Variants in IRS1 observed in about 807,000 individuals in gnomAD.
IRS1 encodes the protein insulin receptor substrate 1.
A neutral mutation model predicts 65.6 loss-of-function variants in IRS1; 34 were observed. That is an observed-to-expected ratio of 0.52 (90% CI 0.39 to 0.69). The LOEUF (loss-of-function observed/expected upper bound fraction) is 0.69, where lower values mean the gene tolerates loss of function less well. Among genes scored for constraint, IRS1 ranks in the 30% least tolerant of loss-of-function variants. The pLI is 0.00. For missense variants in IRS1, 1,641 were observed against 1,720.2 expected, an observed-to-expected ratio of 0.95 and a Z score of 0.81; for synonymous variants, 699 against 683.5, an observed-to-expected ratio of 1.02 and a Z score of -0.35.
At chr2:226,789,896 C>T (rs538771199) in intron 1 of IRS1, among the ~76,000 whole-genome samples, 118 of 152,226 alleles carry the variant, frequency 7.8e-4, no homozygotes, top group African/African-American at 2.7e-3. Context: ...CGAAAATGCC[C>T]CCTTGAAGCA....
chr2:226,798,526 G>A lies in IRS1; in HGVS notation c.213C>T (p.Asn71=), dbSNP rs1301036513. The A allele has an allele frequency of 6.2e-7, 1 of 1,614,018 alleles. No homozygotes were observed. Among genetic ancestry groups the A allele is most frequent in the African/African-American group, 1.3e-5 (1 of 74,940 alleles). The change falls in exon 1 of 2, where the codon AAC becomes AAT. Residue 71 remains asparagine, a synonymous_variant. Transcript: ENST00000305123. The surrounding 1 kb of genome is among the most constrained non-coding windows in gnomAD (Gnocchi z 9.4). ...TCTTGGAGTCAGCCCGCTTGTTGATGTTGAAGCAGCTCTCAAGGGGGATCG... is the reference window on the plus strand; with the variant it reads ...TCTTGGAGTCAGCCCGCTTGTTGATATTGAAGCAGCTCTCAAGGGGGATCG... ...KRSIPLESCF[N]INKRADSKNK...
rs2106154469 is a variant in IRS1 at position 226,732,440 on chromosome 2, C to T, written c.*3832G>A. 1 of 149,996 alleles carries T rather than the reference C, an allele frequency of 6.7e-6. No homozygotes were observed. The highest frequency in any genetic ancestry group is 2.0e-4 in the East Asian group (1 of 5,124). The allele number at this position is 149,996 out of a possible 1,614,324, so 9.3% of individuals were successfully genotyped here. On this transcript the variant is annotated 3_prime_UTR_variant, in exon 2 of 2. Coordinates refer to ENST00000305123, the MANE Select transcript of IRS1 (RefSeq NM_005544.3). ...CATTCCTAGAAGAGCATGCTTCTTC[C>T]TCTCAAGTTTCTCACAAGCCTATAC... is the stretch of plus-strand genomic sequence containing the variant.
At chr2:226,746,147 C>T (rs1404392700) in intron 1 of IRS1, among the ~76,000 whole-genome samples, 1 of 151,764 alleles carries the variant, frequency 6.6e-6, no homozygotes, top group Admixed American at 6.6e-5. Flanking sequence ...AAGCTTGAAG[C>T]CCCCCACTCT....
At chr2:226,779,494 C>T (rs1173615943) in intron 1 of IRS1, among the ~76,000 whole-genome samples, 1 of 152,202 alleles carries the variant, frequency 6.6e-6, no homozygotes, top group Non-Finnish European at 1.5e-5. Flanking sequence ...AATAGCCTAG[C>T]TCAATACCAG....
At chr2:226,777,330 G>A (rs926068611) in intron 1 of IRS1, among the ~76,000 whole-genome samples, 1 of 152,158 alleles carries the variant, frequency 6.6e-6, no homozygotes, top group African/African-American at 2.4e-5. Context: ...TTTTAAAAAT[G>A]CTATTGAGTT....
intron 1 of IRS1, among the ~76,000 whole-genome samples, chr2:226,766,121 T>A (rs2894611): frequency 0.037 from 520 of 14,170 alleles, 19 homozygotes; most frequent in African/African-American, 0.051. Flanking sequence ...TCTCTTAATC[T>A]TATATATATA....
At chr2:226,752,402 A>T (rs1938702786) in intron 1 of IRS1, among the ~76,000 whole-genome samples, 1 of 152,236 alleles carries the variant, frequency 6.6e-6, no homozygotes, top group Non-Finnish European at 1.5e-5. Flanking sequence ...AGCTCTACTT[A>T]TTAGGAAGTC....
chr2:226,764,749 G>A (rs550315901), intron 1 of IRS1, among the ~76,000 whole-genome samples: 1 of 152,256 alleles, frequency 6.6e-6, no homozygotes, highest in African/African-American at 2.4e-5. Flanking sequence ...GAATCCTCGC[G>A]CAATTCACCT....
Position 226,798,550 on chromosome 2 carries a change from C to A in IRS1, c.189G>T (p.Ser63=), listed in dbSNP as rs778626516. The part of the protein sequence containing the change: ...WRHKSSAPKR[S]IPLESCFNIN... ...TGTTGAAGCAGCTCTCAAGGGGGAT[C>A]GAGCGTTTGGGGGCGCTCGACTTGT... The change falls in exon 1 of 2, where the codon TCG becomes TCT. Residue 63 remains serine (S), a synonymous_variant. Coordinates refer to ENST00000305123, the MANE Select transcript of IRS1 (RefSeq NM_005544.3). The surrounding 1 kb of genome is among the most constrained non-coding windows in gnomAD (Gnocchi z 9.4). The A allele has an allele frequency of 9.9e-5, 159 of 1,613,886 alleles. No individual in the cohort carries two copies. Among genetic ancestry groups the A allele is most frequent in the Non-Finnish European group, 1.3e-4 (159 of 1,180,026 alleles).
At chr2:226,782,231 A>G (rs1939397707) in intron 1 of IRS1, among the ~76,000 whole-genome samples, 1 of 152,150 alleles carries the variant, frequency 6.6e-6, no homozygotes, top group Admixed American at 6.5e-5. Flanking sequence ...GCTCCCCTCC[A>G]TGACATATTT....
At chr2:226,788,296 T>C (rs1939525108) in intron 1 of IRS1, among the ~76,000 whole-genome samples, 1 of 152,104 alleles carries the variant, frequency 6.6e-6, no homozygotes, top group Non-Finnish European at 1.5e-5. Context: ...CCACAAAATC[T>C]CTACTCTGCT....
chr2:226,793,824 C>A lies in IRS1; in HGVS notation c.*21+1165G>T, dbSNP rs76076985. Among the ~76,000 whole-genome samples, 1,139 of 152,302 alleles carry A rather than the reference C, an allele frequency of 7.5e-3. 13 individuals are homozygous for A. The highest frequency in any genetic ancestry group is 0.026 in the African/African-American group (1,080 of 41,554). ...TCACATTATTTGCAAACTGTACTCT[C>A]TTCTACCCACAATTATGACCACCAG... On this transcript the variant is annotated intron_variant, in intron 1 of 1. Coordinates refer to ENST00000305123, the MANE Select transcript of IRS1 (RefSeq NM_005544.3).
chr2:226,737,374 C>T (rs779932521), intron 1 of IRS1, among the ~76,000 whole-genome samples: 1 of 152,092 alleles, frequency 6.6e-6, no homozygotes, highest in Non-Finnish European at 1.5e-5. Flanking sequence ...CCTTTTCAAC[C>T]TCATAAAGCA....
chr2:226,760,339 A>G (rs897294548), intron 1 of IRS1, among the ~76,000 whole-genome samples: 1 of 152,180 alleles, frequency 6.6e-6, no homozygotes, highest in Non-Finnish European at 1.5e-5. Flanking sequence ...GTTCCTTAAA[A>G]TATTATTTTG....
rs150396488 is a variant in IRS1 at position 226,745,879 on chromosome 2, G to A, written c.*22-9629C>T. On this transcript the variant is annotated intron_variant, in intron 1 of 1. Transcript: ENST00000305123. ...AAGCCAAAATGAGGATGCATCTTGC[G>A]AAGAGAGGACAAAGTTATTTCAGAA... Among the ~76,000 whole-genome samples, 9 of 152,236 alleles carry A rather than the reference G, an allele frequency of 5.9e-5. 1 individual carries two copies. The highest frequency in any genetic ancestry group is 5.8e-4 in the East Asian group (3 of 5,186).
At chr2:226,750,541 T>A (rs914073875) in intron 1 of IRS1, among the ~76,000 whole-genome samples, 3 of 152,166 alleles carry the variant, frequency 2.0e-5, no homozygotes, top group Non-Finnish European at 4.4e-5. Context: ...CCCAAAAATG[T>A]CTTCAGTGAC....
Position 226,795,692 on chromosome 2 carries a change from C to T in IRS1, c.3047G>A (p.Arg1016Gln), listed in dbSNP as rs747700323. The change falls in exon 1 of 2, where the codon CGA (arginine) becomes CAA (glutamine). Residue 1016 changes from arginine (R) to glutamine (Q), a missense_variant. Arg to Gln is a conservative substitution (Grantham distance 43). Around this residue, in one of 3 missense-constraint regions of IRS1, gnomAD observed 1,324 missense variants for 1,361.0 expected, o/e 0.97. Coordinates refer to ENST00000305123, the MANE Select transcript of IRS1 (RefSeq NM_005544.3). ...PAAPVSYADMRTGIAAEEVSL... is the reference protein window; with the variant it reads ...PAAPVSYADMQTGIAAEEVSL... The stretch of plus-strand genomic sequence containing the variant: ...CACCTCCTCTGCAGCAATGCCTGTT[C>T]GCATGTCAGCATAGCTTACAGGGGC... The T allele has an allele frequency of 4.3e-6, 7 of 1,613,356 alleles. No homozygotes were observed. The highest frequency in any genetic ancestry group is 2.2e-5 in the East Asian group (1 of 44,876).
rs1939687283 is a variant in IRS1 at position 226,795,233 on chromosome 2, G to GC, written c.3505dup (p.Ala1169GlyfsTer10). On this transcript the variant is annotated frameshift_variant, in exon 1 of 2. Transcript: ENST00000305123. LOFTEE classifies it high-confidence loss of function. ...AAGACCATTCTCCAAACCCCCAGCA[G>GC]CCCCACACAGTTTGGCTGGCTCCTT... The GC allele has an allele frequency of 1.2e-6, 2 of 1,614,062 alleles. No homozygotes were observed. The highest frequency in any genetic ancestry group is 1.7e-6 in the Non-Finnish European group (2 of 1,180,016).
chr2:226,761,833 T>C (rs901127019), intron 1 of IRS1, among the ~76,000 whole-genome samples: 1 of 152,220 alleles, frequency 6.6e-6, no homozygotes, highest in Non-Finnish European at 1.5e-5. Context: ...TTGGAAATCA[T>C]GACAAAGCCA....
Sources: allele counts gnomAD v4.1 joint callset (sites outside exome capture counted in the v4.1 genomes callset), GRCh38; gene constraint gnomAD v4.1.1; regional missense constraint gnomAD v4.1.1; non-coding constraint Gnocchi (gnomAD v3.1); transcripts MANE v1.5; gene names NCBI Gene and HGNC (gene_info 2026-07-23, HGNC 2026-07-21).